Variants in UACA observed in about 807,000 individuals in gnomAD.
The protein encoded by UACA is uveal autoantigen with coiled-coil domains and ankyrin repeats.
A neutral mutation model predicts 160.5 loss-of-function variants in UACA; 112 were observed. The observed-to-expected ratio is 0.70, with a 90% CI of 0.60 to 0.82. UACA has a LOEUF of 0.82. Among genes scored for constraint, UACA ranks in the 40% least tolerant of loss-of-function variants. The probability of loss-of-function intolerance (pLI) is 0.00; values close to 1 mark genes in which losing one functional copy is unlikely to be tolerated. For missense variants in UACA, 1,574 were observed against 1,614.6 expected, an observed-to-expected ratio of 0.97 and a Z score of 0.43; for synonymous variants, 557 against 568.4, an observed-to-expected ratio of 0.98 and a Z score of 0.29.
Position 70,754,138 on chromosome 15 carries a change from C to T in UACA, c.78+9192G>A, listed in dbSNP as rs532495264. On this transcript the variant is annotated intron_variant, in intron 1 of 18. Transcript: ENST00000322954. Reference sequence around the variant, plus strand: ...GGTTTTCTACAATGAACATGTATGACTTTTGTGGGACAGTCATTTATCCTA... The same window carrying T: ...GGTTTTCTACAATGAACATGTATGATTTTTGTGGGACAGTCATTTATCCTA... 1.5e-4 allele frequency: 69 copies of T among 455,998 alleles called. 1 individual carries two copies. The highest frequency in any genetic ancestry group is 1.1e-3 in the South Asian group (68 of 64,542). The allele number at this position is 455,998 out of a possible 1,614,324, so 28.2% of individuals were successfully genotyped here.
chr15:70,658,752 A>C (rs1333777489), intron 18 of UACA, among the ~76,000 whole-genome samples: 1 of 152,130 alleles, frequency 6.6e-6, no homozygotes, highest in Admixed American at 6.5e-5. Flanking sequence ...AGGTTTCAGC[A>C]CAACACTTCC....
Position 70,763,198 on chromosome 15 carries a change from G to A in UACA, c.78+132C>T. Reference sequence around the variant, plus strand: ...CTGACGGAGTCTCCGGCCTCAGGGAGGAGTCGCCAGGGCCGCCGAAGCCGA... The same window carrying A: ...CTGACGGAGTCTCCGGCCTCAGGGAAGAGTCGCCAGGGCCGCCGAAGCCGA... On this transcript the variant is annotated intron_variant, in intron 1 of 18. Transcript: ENST00000322954. The A allele has an allele frequency of 5.0e-6, 5 of 1,002,780 alleles. No homozygotes were observed. The South Asian group carries it at 1.0e-4, about 20-fold the overall frequency. The allele number at this position is 1,002,780 out of a possible 1,614,324, so 62.1% of individuals were successfully genotyped here.
intron 18 of UACA, among the ~76,000 whole-genome samples, chr15:70,657,853 G>A (rs1428821940): frequency 6.6e-6 from 1 of 152,002 alleles, no homozygotes; most frequent in Admixed American, 6.6e-5. Context: ...AGGCCAAGGT[G>A]GGAGGATCAC....
At chr15:70,685,705 A>T (rs1897687953) in intron 7 of UACA, among the ~76,000 whole-genome samples, 3 of 152,184 alleles carry the variant, frequency 2.0e-5, no homozygotes, top group Admixed American at 2.0e-4. Context: ...GTGCTTTGAA[A>T]AATGTGAGAG....
At chr15:70,724,857 T>G (rs1275665608) in intron 1 of UACA, among the ~76,000 whole-genome samples, 1 of 151,460 alleles carries the variant, frequency 6.6e-6, no homozygotes, top group Non-Finnish European at 1.5e-5. Context: ...TTACAAAGTT[T>G]GCAATACTCT....
chr15:70,700,652 T>C (rs1898324683), intron 1 of UACA, among the ~76,000 whole-genome samples: 1 of 152,004 alleles, frequency 6.6e-6, no homozygotes, highest in Admixed American at 6.6e-5. Context: ...GAAAATACAT[T>C]CAAGGTATTC....
upstream of UACA, among the ~76,000 whole-genome samples, chr15:70,766,534 CAT>C (rs1381467967): frequency 6.6e-6 from 1 of 151,804 alleles, no homozygotes; most frequent in South Asian, 2.1e-4. Context: ...TATATATACA[CAT>C]GGTAATCTCA....
At chr15:70,700,573 G>A (rs1044819546) in intron 1 of UACA, among the ~76,000 whole-genome samples, 4 of 151,706 alleles carry the variant, frequency 2.6e-5, no homozygotes, top group African/African-American at 9.7e-5. Context: ...GATTAAAGGT[G>A]GGGGTTTTAA....
At chr15:70,721,290 A>C (rs1898983594) in intron 1 of UACA, among the ~76,000 whole-genome samples, 1 of 152,190 alleles carries the variant, frequency 6.6e-6, no homozygotes, top group African/African-American at 2.4e-5. Context: ...AGGATAAATC[A>C]GTTCAGTTTG....
chr15:70,714,281 C>CA (rs1898764916), intron 1 of UACA, among the ~76,000 whole-genome samples: 1 of 152,170 alleles, frequency 6.6e-6, no homozygotes. Context: ...CTCCCACTTA[C>CA]ATAACAGCAA....
intron 1 of UACA, chr15:70,703,366 T>G (rs1324398454): frequency 1.0e-6 from 1 of 978,208 alleles, no homozygotes; most frequent in Non-Finnish European, 1.3e-6. Flanking sequence ...AATTCTGCTA[T>G]GTACTTCCAC....
chr15:70,698,627 A>T (rs1898218183), intron 2 of UACA, among the ~76,000 whole-genome samples: 1 of 152,222 alleles, frequency 6.6e-6, no homozygotes, highest in Non-Finnish European at 1.5e-5. Context: ...CCCACATCAC[A>T]CATTAACTAT....
At position 70,726,547 on chromosome 15, in the gene UACA, C is replaced by A. The variant is rs181145831; in HGVS notation, c.79-26887G>T. On this transcript the variant is annotated intron_variant, in intron 1 of 18. Coordinates refer to ENST00000322954, the MANE Select transcript of UACA (RefSeq NM_018003.4). ...TTCATTTCATTTGGCTTTACTTTTT[C>A]TTCTGAAATAGAAATAAGATCACAA... Among the ~76,000 whole-genome samples, 10 of 152,186 alleles carry A rather than the reference C, an allele frequency of 6.6e-5. No homozygotes were observed. The East Asian group carries it at 1.9e-3, about 29-fold the overall frequency.
At chr15:70,714,520 T>C (rs1304756619) in intron 1 of UACA, among the ~76,000 whole-genome samples, 1 of 152,214 alleles carries the variant, frequency 6.6e-6, no homozygotes, top group Non-Finnish European at 1.5e-5. Flanking sequence ...AATTATATCC[T>C]ATCAATCATT....
the UACA span, among the ~76,000 whole-genome samples, chr15:70,771,073 C>T: frequency 1.8e-4 from 27 of 152,346 alleles, no homozygotes; most frequent in Middle Eastern, 3.4e-3. Context: ...CATTCCTTGA[C>T]AGGTAGCTGT....
intron 1 of UACA, among the ~76,000 whole-genome samples, chr15:70,712,439 G>A (rs1488531444): frequency 6.6e-6 from 1 of 151,960 alleles, no homozygotes; most frequent in Non-Finnish European, 1.5e-5. Flanking sequence ...CTTTCCTTGT[G>A]TTCTCCACAC....
At chr15:70,690,721 C>T (rs1897904260) in intron 4 of UACA, among the ~76,000 whole-genome samples, 1 of 151,760 alleles carries the variant, frequency 6.6e-6, no homozygotes, top group Non-Finnish European at 1.5e-5. Flanking sequence ...AAACAGGAAA[C>T]ATATGGTACA....
intron 12 of UACA, 21 bp from the exon 13 acceptor site, chr15:70,676,612 T>A: frequency 1.3e-6 from 2 of 1,581,982 alleles, no homozygotes; most frequent in Non-Finnish European, 1.7e-6. Flanking sequence ...ACAGAATAAA[T>A]ACAGTAAAAT....
At chr15:70,700,318 T>TATATATATATATATATATATATATACAC (rs565377949) in intron 1 of UACA, among the ~76,000 whole-genome samples, 71 of 139,762 alleles carry the variant, frequency 5.1e-4, no homozygotes, top group African/African-American at 2.0e-3. Context: ...TATATATATA[T>TATATATATATATATATATATATATACAC]ACACACACAC....
Sources: gnomAD v4.1 joint callset for allele counts (sites outside exome capture counted in the v4.1 genomes callset) on GRCh38, gnomAD v4.1.1 for gene constraint, MANE v1.5 for transcripts, NCBI Gene and HGNC (gene_info 2026-07-23, HGNC 2026-07-21) for gene names.